Variants in CCDC3 observed in about 807,000 individuals in gnomAD.
CCDC3 encodes the protein coiled-coil domain-containing protein 3.
A neutral mutation model predicts 21.4 loss-of-function variants in CCDC3; 24 were observed. That is an observed-to-expected ratio of 1.12 (90% confidence interval 0.81 to 1.58). The LOEUF is 1.58. Ranked by LOEUF, CCDC3 falls within the 40% of genes most tolerant of loss-of-function variation. CCDC3 has a pLI of 0.00. For missense variants in CCDC3, 425 were observed against 360.9 expected, an observed-to-expected ratio of 1.18 and a Z score of -1.44; for synonymous variants, 186 against 166.0, an observed-to-expected ratio of 1.12 and a Z score of -0.93.
In CCDC3 at chr10:12,904,535, G is replaced by A. The variant is rs1048601635; in HGVS notation, c.550-5856C>T. 4.2e-5 allele frequency among the ~76,000 whole-genome samples: 6 copies of A among 144,210 alleles called. No individual in the cohort carries two copies. The Admixed American group carries it at 4.3e-4, about 10-fold the overall frequency. The allele number at this position is 144,210 out of a possible 152,430, so 94.6% of individuals were successfully genotyped here. On this transcript the variant is annotated intron_variant, in intron 2 of 2. Coordinates refer to ENST00000378825, the MANE Select transcript of CCDC3 (RefSeq NM_031455.4). ...AGTTATTAATCCTCCTCTATCCTTAGGACCACAGGCCAATGGGGAGGGATG... is the reference window on the plus strand; with the variant it reads ...AGTTATTAATCCTCCTCTATCCTTAAGACCACAGGCCAATGGGGAGGGATG...
Position 12,898,637 on chromosome 10 carries a change from C to G in CCDC3, c.592G>C (p.Asp198His). ...SVQKALFEEE[D>H]HVKKLQQKVA... is the part of the protein sequence containing the mutation. ...TTCTGCTGCAGTTTCTTGACGTGGT[C>G]CTCCTCCTCAAACAAGGCCTTCTGC... The change falls in exon 3 of 3, where the codon GAC (aspartate) becomes CAC (histidine). Residue 198 changes from aspartate to histidine, a missense_variant. Transcript: ENST00000378825. The G allele has an allele frequency of 1.2e-6, 2 of 1,614,198 alleles. No individual in the cohort carries two copies. Among genetic ancestry groups the G allele is most frequent in the Non-Finnish European group, 1.7e-6 (2 of 1,180,038 alleles).
At chr10:13,048,011 A>G (rs979791712) in intron 5 of CCDC3, among the ~76,000 whole-genome samples, 2 of 152,148 alleles carry the variant, frequency 1.3e-5, no homozygotes, top group Non-Finnish European at 2.9e-5. Flanking sequence ...AGAGAAAAGG[A>G]GCAAGTAGGG....
At chr10:13,021,315 G>T (rs183851374) in intron 5 of CCDC3, among the ~76,000 whole-genome samples, 17 of 152,266 alleles carry the variant, frequency 1.1e-4, no homozygotes. Context: ...GCTTAATCTT[G>T]CTGTGCTCTC....
At chr10:13,011,438 T>C (rs1042692117) in intron 5 of CCDC3, among the ~76,000 whole-genome samples, 1 of 151,974 alleles carries the variant, frequency 6.6e-6, no homozygotes, top group Non-Finnish European at 1.5e-5. Context: ...CCATTCAGAA[T>C]TGCTACAAAA....
chr10:13,004,480 T>C (rs777001148), upstream of CCDC3, among the ~76,000 whole-genome samples: 6 of 152,026 alleles, frequency 3.9e-5, no homozygotes, highest in Non-Finnish European at 8.8e-5. Context: ...CCATAGATGG[T>C]GCTACTGGCA....
chr10:12,964,346 T>G (rs1201927739), intron 2 of CCDC3, among the ~76,000 whole-genome samples: 1 of 148,062 alleles, frequency 6.8e-6, no homozygotes, highest in Non-Finnish European at 1.5e-5. Context: ...CACTCCAGCC[T>G]GGGCAACAAG....
chr10:13,016,332 G>T (rs1467998459), intron 5 of CCDC3, among the ~76,000 whole-genome samples: 1 of 104,790 alleles, frequency 9.5e-6, no homozygotes. Flanking sequence ...TTTTGGTAAA[G>T]CGAAAAAAAA....
Position 13,001,183 on chromosome 10 carries a change from G to T in CCDC3, c.374+14C>A. On this transcript the variant is annotated intron_variant, in intron 1 of 2. Coordinates refer to ENST00000378825, the MANE Select transcript of CCDC3 (RefSeq NM_031455.4). ...AGAGAGAGAGAGAGGTGGCGGCGGC[G>T]CCGCCGGGCTCACCTGAGGAAGAAG... The T allele has an allele frequency of 6.5e-7, 1 of 1,544,348 alleles. No individual in the cohort carries two copies.
chr10:13,079,276 T>TGTA (rs146008271), intron 3 of CCDC3, among the ~76,000 whole-genome samples: 3 of 152,062 alleles, frequency 2.0e-5, no homozygotes, highest in Non-Finnish European at 1.5e-5. Context: ...AGGCACGCGT[T>TGTA]GTGGCCTTAG....
chr10:12,955,018 T>G (rs1308808227), intron 2 of CCDC3, among the ~76,000 whole-genome samples: 1 of 152,088 alleles, frequency 6.6e-6, no homozygotes, highest in African/African-American at 2.4e-5. Context: ...CAGTTGTCAT[T>G]CACAGCCTAG....
intron 3 of CCDC3, among the ~76,000 whole-genome samples, chr10:13,093,182 A>T (rs1832596058): frequency 1.3e-5 from 2 of 152,192 alleles, no homozygotes; most frequent in Non-Finnish European, 2.9e-5. Flanking sequence ...AAGAGGTTTA[A>T]TGGACTCACA....
chr10:12,922,573 C>T (rs1040086728), intron 2 of CCDC3, among the ~76,000 whole-genome samples: 1 of 152,170 alleles, frequency 6.6e-6, no homozygotes, highest in African/African-American at 2.4e-5. Context: ...TGTTAGCTGT[C>T]ACATTCTATT....
chr10:13,038,028 T>C (rs1836400929), intron 5 of CCDC3, among the ~76,000 whole-genome samples: 1 of 152,090 alleles, frequency 6.6e-6, no homozygotes, highest in East Asian at 1.9e-4. Flanking sequence ...TGGAATAATA[T>C]GCAGCCATGA....
chr10:13,039,100 G>A (rs1836416118), intron 5 of CCDC3, among the ~76,000 whole-genome samples: 1 of 152,154 alleles, frequency 6.6e-6, no homozygotes, highest in Non-Finnish European at 1.5e-5. Context: ...CAGGGTTGTG[G>A]TCATCTATCC....
At chr10:12,925,821 A>G (rs1004382346) in intron 2 of CCDC3, among the ~76,000 whole-genome samples, 2 of 152,206 alleles carry the variant, frequency 1.3e-5, no homozygotes, top group African/African-American at 4.8e-5. Context: ...AATTCATCCT[A>G]TTGTGATACC....
At chr10:12,901,842 A>G (rs1301784793) in intron 2 of CCDC3, among the ~76,000 whole-genome samples, 1 of 152,174 alleles carries the variant, frequency 6.6e-6, no homozygotes, top group Admixed American at 6.5e-5. Context: ...CCCAAGGCAC[A>G]CTGGGTCCCA....
rs1308100611 is a variant in CCDC3, at chr10:13,065,870, C to T, written c.-270+7998G>A. On this transcript the variant is annotated intron_variant, in intron 4 of 6. Coordinates refer to the CCDC3 transcript ENST00000378839. ...CAGGAACCGAGTCTCTTTACATTAC[C>T]AAGTCCACATCACCATGTACAATGA... Among the ~76,000 whole-genome samples the T allele has an allele frequency of 2.0e-5, 3 of 152,258 alleles. No individual in the cohort carries two copies. In the East Asian group the frequency reaches 5.8e-4, roughly 29 times the overall value.
chr10:12,990,070 G>C (rs12763790), intron 2 of CCDC3, among the ~76,000 whole-genome samples: 1 of 151,728 alleles, frequency 6.6e-6, no homozygotes, highest in Non-Finnish European at 1.5e-5. Context: ...GGCTAACACA[G>C]TGAAACCGCA....
At chr10:13,033,565 T>C (rs1001225430) in intron 5 of CCDC3, among the ~76,000 whole-genome samples, 5 of 152,110 alleles carry the variant, frequency 3.3e-5, no homozygotes, top group African/African-American at 7.2e-5. Context: ...ACCTACAGAA[T>C]GGGAGAAAAT....
Sources: allele counts gnomAD v4.1 joint callset (sites outside exome capture counted in the v4.1 genomes callset), GRCh38; gene constraint gnomAD v4.1.1; transcripts MANE v1.5; gene names NCBI Gene and HGNC (gene_info 2026-07-23, HGNC 2026-07-21).